RBMS3: variants seen among roughly 807,000 people sequenced by gnomAD.
RBMS3 encodes the protein RNA-binding motif, single-stranded-interacting protein 3.
In RBMS3, 27 loss-of-function variants were observed where a neutral mutation model predicts 66.8. That is an observed-to-expected ratio of 0.40 (90% CI 0.30 to 0.56). The LOEUF (loss-of-function observed/expected upper bound fraction) is 0.56, where lower values mean the gene tolerates loss of function less well. Ranked by LOEUF, RBMS3 falls within the 20% of genes least tolerant of loss-of-function variation. RBMS3 has a pLI of 0.40. For missense variants in RBMS3, 513 were observed against 549.5 expected (o/e 0.93, Z 0.66); for synonymous variants, 188 against 183.0 (o/e 1.03, Z -0.22).
intron 2 of RBMS3, among the ~76,000 whole-genome samples, chr3:29,457,125 T>A (rs2125772263): frequency 6.6e-6 from 1 of 152,282 alleles, no homozygotes; most frequent in Non-Finnish European, 1.5e-5. Context: ...TTTGACTCAC[T>A]CAAATCAGTA....
At chr3:29,443,641 G>A (rs1407188085) in intron 2 of RBMS3, among the ~76,000 whole-genome samples, 2 of 152,028 alleles carry the variant, frequency 1.3e-5, no homozygotes, top group East Asian at 3.9e-4. Context: ...ACGTAAGAAA[G>A]GTTATGTATT....
intron 1 of RBMS3, among the ~76,000 whole-genome samples, chr3:29,367,797 A>G (rs563490250): frequency 6.6e-6 from 1 of 152,298 alleles, no homozygotes; most frequent in East Asian, 1.9e-4. Flanking sequence ...TGAAGTTAGA[A>G]AAATAAGACA....
intron 4 of RBMS3, among the ~76,000 whole-genome samples, chr3:29,689,836 T>A (rs9832465): frequency 7.0e-6 from 1 of 143,314 alleles, no homozygotes; most frequent in Non-Finnish European, 1.5e-5. Flanking sequence ...TCCCAACACT[T>A]TGGGAGGCTG....
At chr3:29,888,084 G>C (rs1487176917) in intron 8 of RBMS3, among the ~76,000 whole-genome samples, 3 of 151,550 alleles carry the variant, frequency 2.0e-5, no homozygotes, top group African/African-American at 7.3e-5. Context: ...AGGTACATCC[G>C]TTAACCTTAA....
chr3:29,945,050 T>A (rs2149705812), intron 12 of RBMS3, among the ~76,000 whole-genome samples: 1 of 151,856 alleles, frequency 6.6e-6, no homozygotes, highest in African/African-American at 2.4e-5. Flanking sequence ...ATGGGCACAA[T>A]TTTTTATTTC....
intron 5 of RBMS3, among the ~76,000 whole-genome samples, chr3:29,756,000 TA>T (rs1283141785): frequency 2.0e-5 from 3 of 152,306 alleles, no homozygotes; most frequent in African/African-American, 7.2e-5. Context: ...AGTTCAGTGA[TA>T]AACAGCACCT....
At chr3:29,302,433 C>G (rs1020710135) in intron 1 of RBMS3, among the ~76,000 whole-genome samples, 13 of 151,954 alleles carry the variant, frequency 8.6e-5, no homozygotes, top group Non-Finnish European at 1.9e-4. Context: ...TTTACCCTCC[C>G]TGGCTCTGGT....
At chr3:29,287,309 TC>T in intron 1 of RBMS3, among the ~76,000 whole-genome samples, 1 of 152,216 alleles carries the variant, frequency 6.6e-6, no homozygotes, top group South Asian at 2.1e-4. Context: ...TGAAAATTAT[TC>T]CCATTGAGTA....
At chr3:29,682,402 C>CT (rs1194029285) in intron 4 of RBMS3, among the ~76,000 whole-genome samples, 1 of 152,200 alleles carries the variant, frequency 6.6e-6, no homozygotes, top group Non-Finnish European at 1.5e-5. Flanking sequence ...ATCCGCCGGC[C>CT]TTGGCCTCCC....
intron 1 of RBMS3, among the ~76,000 whole-genome samples, chr3:29,381,078 G>T (rs1395688354): frequency 6.6e-6 from 1 of 152,124 alleles, no homozygotes; most frequent in Non-Finnish European, 1.5e-5. Context: ...AATTTGCCTT[G>T]TGGAAATTCA....
chr3:29,347,479 A>G (rs779944780), intron 1 of RBMS3, among the ~76,000 whole-genome samples: 7 of 152,336 alleles, frequency 4.6e-5, no homozygotes, highest in Non-Finnish European at 1.0e-4. Flanking sequence ...CTATTAAATT[A>G]TAGTCTATTT....
At chr3:29,536,466 C>T (rs1034229643) in intron 3 of RBMS3, among the ~76,000 whole-genome samples, 1 of 152,114 alleles carries the variant, frequency 6.6e-6, no homozygotes, top group African/African-American at 2.4e-5. Flanking sequence ...TGTGCTGCAT[C>T]AGTTTTGTTA....
At chr3:29,736,842 A>G (rs1470566243) in intron 4 of RBMS3, among the ~76,000 whole-genome samples, 2 of 152,306 alleles carry the variant, frequency 1.3e-5, no homozygotes, top group Non-Finnish European at 2.9e-5. Flanking sequence ...CCTTTGCAAC[A>G]GAGAGTGAAG....
intron 1 of RBMS3, among the ~76,000 whole-genome samples, chr3:29,357,183 T>C (rs2037273208): frequency 6.6e-6 from 1 of 152,172 alleles, no homozygotes; most frequent in Non-Finnish European, 1.5e-5. Flanking sequence ...TATCTCCTAA[T>C]GCTATCCCTC....
chr3:29,303,351 G>A (rs1162557645), intron 1 of RBMS3, among the ~76,000 whole-genome samples: 4 of 152,002 alleles, frequency 2.6e-5, no homozygotes, highest in Non-Finnish European at 5.9e-5. Context: ...GTGTTGTGAG[G>A]TGTTTCTCTT....
intron 2 of RBMS3, among the ~76,000 whole-genome samples, chr3:29,474,371 T>C (rs568543096): frequency 1.3e-5 from 2 of 152,350 alleles, no homozygotes; most frequent in African/African-American, 4.8e-5. Context: ...AGGCTGCTGA[T>C]GAATATTCTT....
At chr3:29,788,048 T>C (rs948362183) in intron 6 of RBMS3, among the ~76,000 whole-genome samples, 1 of 152,072 alleles carries the variant, frequency 6.6e-6, no homozygotes, top group African/African-American at 2.4e-5. Flanking sequence ...CACCCAAGTT[T>C]CTCCCTAGAA....
chr3:29,455,709 T>G (rs1250414474), intron 2 of RBMS3, among the ~76,000 whole-genome samples: 13 of 151,918 alleles, frequency 8.6e-5, no homozygotes, highest in Admixed American at 8.5e-4. Context: ...CTCAGGAAGG[T>G]GCATCCTAGC....
intron 1 of RBMS3, among the ~76,000 whole-genome samples, chr3:29,325,268 AT>A: frequency 6.6e-6 from 1 of 152,136 alleles, no homozygotes; most frequent in Non-Finnish European, 1.5e-5. Context: ...TATATTTTAC[AT>A]TTTATTGCTC....
Sources: allele counts gnomAD v4.1 joint callset (sites outside exome capture counted in the v4.1 genomes callset), GRCh38; gene constraint gnomAD v4.1.1; transcripts MANE v1.5; gene names NCBI Gene and HGNC (gene_info 2026-07-23, HGNC 2026-07-21).